Variants in FAM20B observed in about 807,000 individuals in gnomAD.
FAM20B encodes glycosaminoglycan xylosylkinase.
FAM20B carries 23 observed loss-of-function variants against 43.8 expected under a neutral mutation model. The ratio of observed to expected loss-of-function variants is 0.53; its 90% CI spans 0.38 to 0.74. FAM20B has a LOEUF of 0.74. Ranked by LOEUF, FAM20B falls within the 30% of genes least tolerant of loss-of-function variation. The pLI, the probability that FAM20B is intolerant of heterozygous loss-of-function variation, is 0.00. For missense variants in FAM20B, 440 were observed against 510.5 expected, an observed-to-expected ratio of 0.86 and a Z score of 1.33; for synonymous variants, 178 against 192.4, an observed-to-expected ratio of 0.93 and a Z score of 0.62.
chr1:179,040,024 T>C (rs1451299175), intron 1 of FAM20B, among the ~76,000 whole-genome samples: 1 of 152,218 alleles, frequency 6.6e-6, no homozygotes, highest in Non-Finnish European at 1.5e-5. Context: ...ACACAGCACA[T>C]GTTTCAGAGA....
At chr1:179,071,824 T>G (rs1651934694) in intron 7 of FAM20B, 89 bp from the exon 8 acceptor site, 1 of 873,602 alleles carries the variant, frequency 1.1e-6, no homozygotes, top group Non-Finnish European at 1.8e-6. Context: ...TACCTAATTA[T>G]TTTTTCACTT....
At chr1:179,062,350 G>A (rs1331870162) in intron 4 of FAM20B, among the ~76,000 whole-genome samples, 1 of 152,074 alleles carries the variant, frequency 6.6e-6, no homozygotes, top group African/African-American at 2.4e-5. Context: ...GAATCTGTGT[G>A]TATTAAAACC....
At chr1:179,067,543 G>T (rs774740342) in intron 7 of FAM20B, among the ~76,000 whole-genome samples, 2 of 152,176 alleles carry the variant, frequency 1.3e-5, no homozygotes, top group Non-Finnish European at 2.9e-5. Context: ...GGCAGAGGTT[G>T]CAGTGAGCCG....
chr1:179,056,456 T>C (rs1275483064), intron 4 of FAM20B, among the ~76,000 whole-genome samples: 1 of 152,238 alleles, frequency 6.6e-6, no homozygotes, highest in East Asian at 1.9e-4. Flanking sequence ...TCCATGTCTT[T>C]TCATGCATGG....
At chr1:179,053,398 T>G (rs1651089556) in intron 3 of FAM20B, among the ~76,000 whole-genome samples, 1 of 152,104 alleles carries the variant, frequency 6.6e-6, no homozygotes, top group Non-Finnish European at 1.5e-5. Flanking sequence ...ATCATGCCGC[T>G]GCACTCTGGC....
chr1:179,045,012 T>C (rs1017668837), intron 2 of FAM20B, among the ~76,000 whole-genome samples: 8 of 152,232 alleles, frequency 5.3e-5, no homozygotes, highest in Non-Finnish European at 7.3e-5. Flanking sequence ...CTTATTTCTT[T>C]CACCTGTTTT....
chr1:179,024,584 A>G (rs768865336), upstream of FAM20B, among the ~76,000 whole-genome samples: 2 of 152,018 alleles, frequency 1.3e-5, no homozygotes, highest in Non-Finnish European at 2.9e-5. Context: ...CGACCTCCAA[A>G]CCTCCAAACC....
chr1:179,053,999 C>A (rs1470074139), intron 3 of FAM20B, among the ~76,000 whole-genome samples: 1 of 151,708 alleles, frequency 6.6e-6, no homozygotes, highest in Non-Finnish European at 1.5e-5. Flanking sequence ...CAGGAAATTT[C>A]ATTTTTTTAA....
chr1:179,041,160 T>C (rs1046929395), intron 1 of FAM20B, among the ~76,000 whole-genome samples: 3 of 148,110 alleles, frequency 2.0e-5, no homozygotes, highest in African/African-American at 7.7e-5. Context: ...GAGACGCTCC[T>C]CACTTTCCAG....
At position 179,072,378 on chromosome 1, in the gene FAM20B, C is replaced by T. The variant is rs1651961086; in HGVS notation, c.*234C>T. The T allele has an allele frequency of 7.5e-6, 4 of 530,820 alleles. No individual in the cohort carries two copies. The highest frequency in any genetic ancestry group is 1.9e-5 in the African/African-American group (1 of 52,532). The allele number at this position is 530,820 out of a possible 1,614,324, so 32.9% of individuals were successfully genotyped here. ...CCTTCTCACCTCCTCGGCAATTGCT[C>T]ATTCTAGGGTTGGGCATCATAGTTG... On this transcript the variant is annotated 3_prime_UTR_variant, in exon 8 of 8. Transcript: ENST00000263733.
chr1:179,059,240 A>G (rs1341416068), intron 4 of FAM20B, among the ~76,000 whole-genome samples: 1 of 152,222 alleles, frequency 6.6e-6, no homozygotes, highest in Non-Finnish European at 1.5e-5. Flanking sequence ...AGCTCATGGT[A>G]CTGAAACAGG....
chr1:179,052,113 A>G (rs1367250142), intron 3 of FAM20B, among the ~76,000 whole-genome samples: 1 of 152,248 alleles, frequency 6.6e-6, no homozygotes, highest in Non-Finnish European at 1.5e-5. Flanking sequence ...ATTTAAAAGC[A>G]AACAACAAAC....
intron 4 of FAM20B, among the ~76,000 whole-genome samples, chr1:179,057,281 G>A (rs1020154107): frequency 6.6e-6 from 1 of 152,090 alleles, no homozygotes; most frequent in Admixed American, 6.6e-5. Flanking sequence ...GGAGACAGAG[G>A]TTGCAGTAAG....
In FAM20B at chr1:179,075,977, A is replaced by G. The variant is rs1246717554; in HGVS notation, c.*3833A>G. 1.3e-5 allele frequency: 2 copies of G among 152,314 alleles called. No individual in the cohort carries two copies. The highest frequency in any genetic ancestry group is 3.4e-3 in the Middle Eastern group (1 of 294). The allele number at this position is 152,314 out of a possible 1,614,324, so 9.4% of individuals were successfully genotyped here. ...ATGAGTAAAAGTATATGTAATGTAT[A>G]TAGTCGTATATGTATTCTAGCAAGA... On this transcript the variant is annotated 3_prime_UTR_variant, in exon 8 of 8. Transcript: ENST00000263733.
intron 1 of FAM20B, among the ~76,000 whole-genome samples, chr1:179,028,909 A>AT (rs1018275939): frequency 1.3e-5 from 2 of 152,244 alleles, no homozygotes; most frequent in African/African-American, 2.4e-5. Flanking sequence ...AGAAAAAAAA[A>AT]GCGTAGAAAA....
upstream of FAM20B, among the ~76,000 whole-genome samples, chr1:179,024,946 G>T (rs936575364): frequency 3.7e-4 from 57 of 152,196 alleles, no homozygotes; most frequent in Non-Finnish European, 1.0e-4. Flanking sequence ...TGTTCAGTAC[G>T]CCTTACTGAT....
chr1:179,032,085 C>T (rs1650036572), intron 1 of FAM20B, among the ~76,000 whole-genome samples: 1 of 152,172 alleles, frequency 6.6e-6, no homozygotes, highest in South Asian at 2.1e-4. Flanking sequence ...AAATACAAGA[C>T]TACTAATTAC....
intron 1 of FAM20B, chr1:179,035,691 G>T: frequency 2.8e-6 from 1 of 354,750 alleles, no homozygotes. Context: ...CTTGAAAGAA[G>T]ACTTTACATT....
intron 3 of FAM20B, among the ~76,000 whole-genome samples, chr1:179,052,516 G>A (rs12126863): frequency 0.059 from 8,999 of 152,218 alleles, 330 homozygotes; most frequent in South Asian, 0.12. Flanking sequence ...ATTAAGGAAT[G>A]TTCATATCCT....
Sources: allele counts gnomAD v4.1 joint callset (sites outside exome capture counted in the v4.1 genomes callset), GRCh38; gene constraint gnomAD v4.1.1; transcripts MANE v1.5; gene names NCBI Gene and HGNC (gene_info 2026-07-23, HGNC 2026-07-21).